The following CNTN5 variants were observed in gnomAD, a reference collection of about 807,000 sequenced individuals.
CNTN5 encodes contactin-5.
A neutral mutation model predicts 129.1 loss-of-function variants in CNTN5; 77 were observed. That is an observed-to-expected ratio of 0.60 (90% CI 0.50 to 0.72). CNTN5 has a LOEUF of 0.72. Among genes scored for constraint, CNTN5 ranks in the 30% least tolerant of loss-of-function variants. The pLI is 0.00. For missense variants in CNTN5, 1,478 were observed against 1,328.8 expected (o/e 1.11, Z -1.75); for synonymous variants, 509 against 465.6 (o/e 1.09, Z -1.20).
At chr11:99,753,763 A>C (rs1476513456) in intron 3 of CNTN5, among the ~76,000 whole-genome samples, 1 of 141,646 alleles carries the variant, frequency 7.1e-6, no homozygotes, top group Non-Finnish European at 1.5e-5. Context: ...ATCTCGGCTC[A>C]CTGCAACCTC....
intron 1 of CNTN5, among the ~76,000 whole-genome samples, chr11:99,113,132 A>G (rs530249388): frequency 1.1e-4 from 17 of 152,244 alleles, no homozygotes; most frequent in Admixed American, 3.9e-4. Context: ...CACACAGGAT[A>G]TAGAAGCATC....
intron 2 of CNTN5, among the ~76,000 whole-genome samples, chr11:99,326,418 G>A (rs540147472): frequency 6.6e-6 from 1 of 152,148 alleles, no homozygotes; most frequent in Admixed American, 6.5e-5. Context: ...ATTCAAAATA[G>A]GAGAGGAGTT....
intron 1 of CNTN5, among the ~76,000 whole-genome samples, chr11:99,257,829 T>A (rs1032915432): frequency 6.6e-6 from 1 of 152,020 alleles, no homozygotes; most frequent in Non-Finnish European, 1.5e-5. Flanking sequence ...AGGATCACAA[T>A]CATACTTTTC....
chr11:100,271,622 A>G (rs1950409524), intron 18 of CNTN5, among the ~76,000 whole-genome samples: 1 of 152,162 alleles, frequency 6.6e-6, no homozygotes, highest in African/African-American at 2.4e-5. Flanking sequence ...CTTGAATTAC[A>G]GTGTACTTCC....
intron 1 of CNTN5, among the ~76,000 whole-genome samples, chr11:99,183,619 C>T (rs944366610): frequency 6.6e-6 from 1 of 152,060 alleles, no homozygotes; most frequent in African/African-American, 2.4e-5. Flanking sequence ...TTAATGACCC[C>T]TAAAGTGCTG....
intron 8 of CNTN5, among the ~76,000 whole-genome samples, chr11:99,968,319 C>T (rs2136216376): frequency 6.6e-6 from 1 of 152,292 alleles, no homozygotes. Context: ...AGAAAGGCTA[C>T]ACATGTAGAT....
chr11:99,623,219 A>G (rs112772901), intron 3 of CNTN5, among the ~76,000 whole-genome samples: 2 of 152,204 alleles, frequency 1.3e-5, no homozygotes, highest in African/African-American at 4.8e-5. Flanking sequence ...GCTGTAGGTG[A>G]TAAAACCTCA....
rs568414299 is a variant in CNTN5 at position 99,401,302 on chromosome 11, A to G, written c.-71+75818A>G. On this transcript the variant is annotated intron_variant, in intron 2 of 24. Coordinates refer to ENST00000524871, the MANE Select transcript of CNTN5 (RefSeq NM_014361.4). The stretch of plus-strand genomic sequence containing the variant: ...TAGTTTCATTGTTCTGCATATTGAT[A>G]TCCAGTTCACCTAGCACCATTTACT... Among the ~76,000 whole-genome samples the G allele has an allele frequency of 5.3e-5, 8 of 152,286 alleles. No individual in the cohort carries two copies. The South Asian group carries it at 1.2e-3, about 24-fold the overall frequency.
At chr11:100,193,103 C>T (rs1367581062) in intron 14 of CNTN5, among the ~76,000 whole-genome samples, 2 of 151,900 alleles carry the variant, frequency 1.3e-5, no homozygotes, top group African/African-American at 2.4e-5. Context: ...CTTCCTGAAA[C>T]ACATAACCTT....
At chr11:100,070,710 G>A (rs575819167) in intron 11 of CNTN5, 150 bp downstream of exon 11, 13 of 584,914 alleles carry the variant, frequency 2.2e-5, no homozygotes, top group Non-Finnish European at 3.8e-5. Context: ...ATGTTACGGG[G>A]ATTAACTGAG....
intron 2 of CNTN5, among the ~76,000 whole-genome samples, chr11:99,486,605 T>C (rs1945824136): frequency 6.6e-6 from 1 of 152,180 alleles, no homozygotes; most frequent in Non-Finnish European, 1.5e-5. Context: ...AACTGTAAAA[T>C]TGAAATATAA....
intron 1 of CNTN5, among the ~76,000 whole-genome samples, chr11:99,318,612 A>G (rs1228913690): frequency 3.3e-5 from 5 of 152,062 alleles, no homozygotes; most frequent in African/African-American, 1.2e-4. Flanking sequence ...AAACATCTAC[A>G]GGGAAGTCTG....
chr11:99,661,179 A>G (rs1952579928), intron 3 of CNTN5, among the ~76,000 whole-genome samples: 1 of 152,146 alleles, frequency 6.6e-6, no homozygotes. Flanking sequence ...GGTCAAGCAC[A>G]CAAATGGTTG....
At chr11:99,630,184 A>G (rs987965796) in intron 3 of CNTN5, among the ~76,000 whole-genome samples, 93 of 152,000 alleles carry the variant, frequency 6.1e-4, no homozygotes, top group African/African-American at 2.1e-3. Context: ...ATAATTGCAA[A>G]AATATTTGGT....
intron 1 of CNTN5, among the ~76,000 whole-genome samples, chr11:99,167,267 C>T (rs4643043): frequency 0.021 from 3,230 of 151,828 alleles, 48 homozygotes; most frequent in East Asian, 0.054. Flanking sequence ...TACAAACTGA[C>T]TCATAATTTA....
At chr11:99,033,244 A>G (rs368747384) in intron 1 of CNTN5, among the ~76,000 whole-genome samples, 22 of 148,608 alleles carry the variant, frequency 1.5e-4, no homozygotes, top group South Asian at 1.1e-3. Context: ...TTGACTTGGC[A>G]ATGCGGGCTC....
chr11:100,299,210 G>A lies in CNTN5; in HGVS notation c.2434G>A (p.Ala812Thr). The A allele has an allele frequency of 1.9e-6, 3 of 1,609,742 alleles. No homozygotes were observed. Among genetic ancestry groups the A allele is most frequent in the Non-Finnish European group, 2.5e-6 (3 of 1,177,274 alleles). The change falls in exon 20 of 25, where the codon GCT (alanine) becomes ACT (threonine). Residue 812 changes from alanine to threonine, a missense_variant. Physicochemically the swap from Ala to Thr is moderately conservative, Grantham distance 58 (BLOSUM62 0). Transcript: ENST00000524871. The part of the protein sequence containing the change: ...QNGEGFGYIV[A>T]FRPNGTRGWK... ...TGGGGAAGGCTTCGGCTATATTGTG[G>A]CTTTCAGACCCAATGGAACACGTGG... is the stretch of plus-strand genomic sequence containing the variant.
chr11:99,695,214 G>A (rs1056702968), intron 3 of CNTN5, among the ~76,000 whole-genome samples: 2 of 151,864 alleles, frequency 1.3e-5, no homozygotes, highest in African/African-American at 4.8e-5. Context: ...TTGACAGATT[G>A]GGTGACTAAG....
chr11:100,200,663 C>T (rs1324827604), intron 15 of CNTN5, among the ~76,000 whole-genome samples: 2 of 151,756 alleles, frequency 1.3e-5, no homozygotes. Flanking sequence ...AGATCAATAC[C>T]TTGGATTCTG....
Sources: allele counts gnomAD v4.1 joint callset (sites outside exome capture counted in the v4.1 genomes callset), GRCh38; gene constraint gnomAD v4.1.1; transcripts MANE v1.5; gene names NCBI Gene and HGNC (gene_info 2026-07-23, HGNC 2026-07-21).